Variants in ADAMTS13 observed in about 807,000 individuals in gnomAD.
ADAMTS13 encodes A disintegrin and metalloproteinase with thrombospondin motifs 13.
A neutral mutation model predicts 155.1 loss-of-function variants in ADAMTS13; 110 were observed. The ratio of observed to expected loss-of-function variants is 0.71; its 90% confidence interval spans 0.61 to 0.83. The LOEUF (loss-of-function observed/expected upper bound fraction) is 0.83, where lower values mean the gene tolerates loss of function less well. Among genes scored for constraint, ADAMTS13 ranks in the 40% least tolerant of loss-of-function variants. The pLI is 0.00. For synonymous variants in ADAMTS13, 758 were observed against 756.4 expected (o/e 1.00, Z -0.03); for missense variants, 1,707 against 1,891.7 (o/e 0.90, Z 1.81).
intron 11 of ADAMTS13, among the ~76,000 whole-genome samples, chr9:133,435,899 G>A (rs1841165788): frequency 6.6e-6 from 1 of 151,626 alleles, no homozygotes; most frequent in South Asian, 2.1e-4. Context: ...ATTCCCACCA[G>A]CATTGCGCCA....
Position 133,425,096 on chromosome 9 carries a change from G to A in ADAMTS13, c.331-433G>A, listed in dbSNP as rs587636799. 3.7e-4 allele frequency among the ~76,000 whole-genome samples: 56 copies of A among 152,300 alleles called. No homozygotes were observed. The highest frequency in any genetic ancestry group is 9.1e-4 in the Admixed American group (14 of 15,304). On this transcript the variant is annotated intron_variant, in intron 3 of 28. Transcript: ENST00000355699. This position sits in a 1 kb window ranked among gnomAD's most constrained non-coding sequence, Gnocchi z 4.6. ...TCCCAGCACTTTGGGAGGCCAAGGCGGGTGGATCACCCGAAGTCAGGAGTT... is the reference window on the plus strand; with the variant it reads ...TCCCAGCACTTTGGGAGGCCAAGGCAGGTGGATCACCCGAAGTCAGGAGTT...
rs1841763709 is a variant in ADAMTS13 at position 133,442,687 on chromosome 9, G to A, written c.2178G>A (p.Gly726=). The change falls in exon 18 of 29, where the codon GGG becomes GGA. Residue 726 remains glycine (G), a synonymous_variant. Coordinates refer to ENST00000355699, the MANE Select transcript of ADAMTS13 (RefSeq NM_139027.6). ...TGGTGGAGACTGTCCAGTGCCAAGGGAGCCAGCAGCCACCAGCGTGGCCAG... is the reference window on the plus strand; with the variant it reads ...TGGTGGAGACTGTCCAGTGCCAAGGAAGCCAGCAGCCACCAGCGTGGCCAG... ...KELVETVQCQ[G]SQQPPAWPEA... 2 of 1,613,098 alleles carry A rather than the reference G, an allele frequency of 1.2e-6. No individual in the cohort carries two copies. Among genetic ancestry groups the A allele is most frequent in the East Asian group, 2.2e-5 (1 of 44,888 alleles).
At chr9:133,442,841 C>T in intron 18 of ADAMTS13, 98 bp downstream of exon 18, 1 of 1,475,320 alleles carries the variant, frequency 6.8e-7, no homozygotes. Context: ...TGTGGCAGGG[C>T]CGGGCTGAGC....
chr9:133,438,376 C>T lies in ADAMTS13; in HGVS notation c.1705+10C>T. 1 of 1,613,576 alleles carries T rather than the reference C, an allele frequency of 6.2e-7. No individual in the cohort carries two copies. The highest frequency in any genetic ancestry group is 8.5e-7 in the Non-Finnish European group (1 of 1,179,964). Reference sequence around the variant, plus strand: ...GCTGGCAGAGCGAGAGGTAGGCGGCCTCCCTCGGGGCAGAGGCTGGGCTTC... The same window carrying T: ...GCTGGCAGAGCGAGAGGTAGGCGGCTTCCCTCGGGGCAGAGGCTGGGCTTC... On this transcript the variant is annotated intron_variant, in intron 14 of 28. Transcript: ENST00000355699.
intron 8 of ADAMTS13, 118 bp from the exon 9 acceptor site, chr9:133,432,470 G>A: frequency 1.1e-6 from 1 of 906,700 alleles, no homozygotes; most frequent in Non-Finnish European, 1.7e-6. Context: ...TGCCCACGGT[G>A]CAGAGTGTTG....
intron 7 of ADAMTS13, 33 bp downstream of exon 7, chr9:133,428,804 C>T: frequency 7.9e-7 from 1 of 1,266,232 alleles, no homozygotes; most frequent in Non-Finnish European, 9.9e-7. Flanking sequence ...GGCGCGCGAG[C>T]CTCCAGCCAG....
At chr9:133,430,294 C>A in intron 8 of ADAMTS13, 193 bp downstream of exon 8, 1 of 831,522 alleles carries the variant, frequency 1.2e-6, no homozygotes, top group South Asian at 1.5e-5. Context: ...AAAGCTCCAA[C>A]ATTTTTGTTT....
Position 133,456,867 on chromosome 9 carries a change from A to C in ADAMTS13, c.3724+148A>C. On this transcript the variant is annotated intron_variant, in intron 27 of 28. Coordinates refer to ENST00000355699, the MANE Select transcript of ADAMTS13 (RefSeq NM_139027.6). This position sits in a 1 kb window ranked among gnomAD's most constrained non-coding sequence, Gnocchi z 4.4. ...GAGATGGAAGGAACTGGGGTTGGCC[A>C]GTGTCAGTCTGCACGTGCCAGGGAG... 2 of 1,054,088 alleles carry C rather than the reference A, an allele frequency of 1.9e-6. No homozygotes were observed. Among genetic ancestry groups the C allele is most frequent in the South Asian group, 2.7e-5 (2 of 73,722 alleles). 65.3% of individuals were successfully genotyped at this position (1,054,088 alleles called of 1,614,324 possible).
intron 23 of ADAMTS13, among the ~76,000 whole-genome samples, chr9:133,452,885 G>A (rs1842520639): frequency 2.0e-5 from 3 of 152,174 alleles, no homozygotes; most frequent in South Asian, 4.1e-4. Flanking sequence ...CTGACTTAGG[G>A]CTTCTGTGCT....
In ADAMTS13 at chr9:133,455,547, C is replaced by T. The variant is rs200122302; in HGVS notation, c.3400+112C>T. 2.8e-4 allele frequency: 446 copies of T among 1,609,876 alleles called. 2 individuals carry two copies. Among genetic ancestry groups the T allele is most frequent in the Non-Finnish European group, 1.1e-4 (124 of 1,179,974 alleles). ...CAGGCCCGGGGCCTGCTCTTCTCCC[C>T]GGCTCCCCAGCCTCGGCGGCTCCTG... On this transcript the variant is annotated intron_variant, in intron 25 of 28. Transcript: ENST00000355699.
chr9:133,440,508 G>A lies in ADAMTS13; in HGVS notation c.1951G>A (p.Glu651Lys). ...GATCCGCATCTGGGGACCCCTCCAG[G>A]AAGATGCTGACATCCAGGTCAGCAG... is the stretch of plus-strand genomic sequence containing the variant. ...EEIRIWGPLQEDADIQVYRRY... is the reference protein window; with the variant it reads ...EEIRIWGPLQKDADIQVYRRY... Residue 651 changes from glutamate to lysine, a missense_variant, in exon 16 of 29, where the codon GAA (glutamate) becomes AAA (lysine). Physicochemically the swap from Glu to Lys is moderately conservative, Grantham distance 56. This residue lies in a region of ADAMTS13 where 961 missense variants were observed against 1,107.9 expected (regional missense o/e 0.87). Transcript: ENST00000355699. This position sits in a 1 kb window ranked among gnomAD's most constrained non-coding sequence, Gnocchi z 4.3. 2 of 1,607,134 alleles carry A rather than the reference G, an allele frequency of 1.2e-6. No individual in the cohort carries two copies. Among genetic ancestry groups the A allele is most frequent in the Non-Finnish European group, 1.7e-6 (2 of 1,175,608 alleles).
chr9:133,431,580 G>T (rs1554787488), intron 8 of ADAMTS13, among the ~76,000 whole-genome samples: 1 of 152,246 alleles, frequency 6.6e-6, no homozygotes, highest in East Asian at 1.9e-4. Flanking sequence ...GCCCGCCTTG[G>T]CCTCCCAAAG....
rs1048394337 is a variant in ADAMTS13 at position 133,445,945 on chromosome 9, G to A, written c.2731+126G>A. On this transcript the variant is annotated intron_variant, in intron 21 of 28. Coordinates refer to ENST00000355699, the MANE Select transcript of ADAMTS13 (RefSeq NM_139027.6). This position sits in a 1 kb window ranked among gnomAD's most constrained non-coding sequence, Gnocchi z 5.0. ...GAAAATCCAGACTATATGGGAACACGTGGTAATACACAAGGAGACTAAGCA... is the reference window on the plus strand; with the variant it reads ...GAAAATCCAGACTATATGGGAACACATGGTAATACACAAGGAGACTAAGCA... 4.6e-5 allele frequency: 61 copies of A among 1,332,466 alleles called. 2 individuals carry two copies. The South Asian group carries it at 7.0e-4, about 15-fold the overall frequency. 82.5% of individuals were successfully genotyped at this position (1,332,466 alleles called of 1,614,324 possible).
chr9:133,417,071 C>G (rs1036068680), upstream of ADAMTS13, among the ~76,000 whole-genome samples: 9 of 152,196 alleles, frequency 5.9e-5, no homozygotes, highest in Non-Finnish European at 1.0e-4. Flanking sequence ...AGTGCAGTGG[C>G]GCGATTTCGG....
At position 133,456,040 on chromosome 9, in the gene ADAMTS13, T is replaced by C. The variant is rs930962379; in HGVS notation, c.3401-29T>C. 26 of 1,613,032 alleles carry C rather than the reference T, an allele frequency of 1.6e-5. No individual in the cohort carries two copies. The highest frequency in any genetic ancestry group is 2.2e-5 in the Non-Finnish European group (26 of 1,180,006). ...GCCCTGCTGGGAATCGGGGAAGCAC[T>C]GCTTACCTGTCTCCTGCTCCCTTTT... On this transcript the variant is annotated intron_variant, in intron 25 of 28. Coordinates refer to ENST00000355699, the MANE Select transcript of ADAMTS13 (RefSeq NM_139027.6). This position sits in a 1 kb window ranked among gnomAD's most constrained non-coding sequence, Gnocchi z 4.4.
chr9:133,443,277 T>C, intron 18 of ADAMTS13, 99 bp from the exon 19 acceptor site: 2 of 1,452,520 alleles, frequency 1.4e-6, no homozygotes, highest in East Asian at 2.5e-5. Flanking sequence ...TGCCCATTGC[T>C]TGTCCCAGAC....
At chr9:133,450,052 A>G in intron 23 of ADAMTS13, 87 bp downstream of exon 23, 1 of 1,476,608 alleles carries the variant, frequency 6.8e-7, no homozygotes, top group Non-Finnish European at 9.1e-7. Context: ...AATCGCAGCT[A>G]CTTGGAAAGC....
intron 1 of ADAMTS13, chr9:133,415,022 A>C: frequency 1.9e-6 from 3 of 1,570,656 alleles, no homozygotes; most frequent in Non-Finnish European, 2.6e-6. Context: ...CTGGGACCCA[A>C]AATAAAATAC....
At chr9:133,455,641 C>G (rs1258053205) in intron 25 of ADAMTS13, 1 of 1,595,546 alleles carries the variant, frequency 6.3e-7, no homozygotes, top group Non-Finnish European at 8.5e-7. Context: ...GCAGCTGCTG[C>G]AGGAGGGGTG....
Sources: gnomAD v4.1 joint callset for allele counts (sites outside exome capture counted in the v4.1 genomes callset) on GRCh38, gnomAD v4.1.1 for gene constraint, gnomAD v4.1.1 regional missense constraint, Gnocchi (gnomAD v3.1) non-coding constraint, MANE v1.5 for transcripts, NCBI Gene and HGNC (gene_info 2026-07-23, HGNC 2026-07-21) for gene names.